The following RPSA2 variants were observed in gnomAD, a reference collection of about 807,000 sequenced individuals.
RPSA2 encodes the protein small ribosomal subunit protein uS2B.
At chr19:23,868,454 G>A in the RPSA2 span, among the ~76,000 whole-genome samples, 3 of 152,024 alleles carry the variant, frequency 2.0e-5, no homozygotes, top group Admixed American at 6.5e-5. Context: ...CCATAAAACA[G>A]GAATTCCTTA....
At chr19:23,766,282 A>G in the RPSA2 span, among the ~76,000 whole-genome samples, 1 of 150,444 alleles carries the variant, frequency 6.6e-6, no homozygotes, top group Non-Finnish European at 1.5e-5. Flanking sequence ...CCTCCCGAGT[A>G]GCTGGGATTA....
At chr19:23,835,656 A>G in the RPSA2 span, among the ~76,000 whole-genome samples, 1 of 151,144 alleles carries the variant, frequency 6.6e-6, no homozygotes, top group Non-Finnish European at 1.5e-5. Flanking sequence ...TTTTCTTTTG[A>G]GATAGAGTCT....
At chr19:23,827,670 CAGTG>C in the RPSA2 span, 2 of 1,596,416 alleles carry the variant, frequency 1.3e-6, no homozygotes, top group African/African-American at 1.3e-5. Flanking sequence ...GGAGCTCACT[CAGTG>C]GGTTTGATGT....
chr19:23,867,816 C>T, the RPSA2 span, among the ~76,000 whole-genome samples: 6 of 129,090 alleles, frequency 4.6e-5, no homozygotes, highest in Admixed American at 9.0e-5. Context: ...GGCGACAGAG[C>T]GAGACTCCGT....
At chr19:23,791,865 G>A in the RPSA2 span, among the ~76,000 whole-genome samples, 1 of 151,736 alleles carries the variant, frequency 6.6e-6, no homozygotes, top group Non-Finnish European at 1.5e-5. Flanking sequence ...TCAGTCTCCT[G>A]AGTAGCTGAG....
the RPSA2 span, among the ~76,000 whole-genome samples, chr19:23,870,045 G>A: frequency 3.2e-4 from 48 of 152,234 alleles, no homozygotes; most frequent in African/African-American, 1.1e-3. Flanking sequence ...ACATTCCTGG[G>A]CTATGGATTC....
At chr19:23,837,516 A>T in the RPSA2 span, among the ~76,000 whole-genome samples, 1 of 151,934 alleles carries the variant, frequency 6.6e-6, no homozygotes. Context: ...TGGTATTTTG[A>T]TGGGGATTGT....
chr19:23,758,761 C>T, the RPSA2 span: 3 of 1,614,188 alleles, frequency 1.9e-6, no homozygotes, highest in Non-Finnish European at 8.5e-7. Flanking sequence ...TCTAGGTTTC[C>T]GGGGGACCTG....
chr19:23,869,199 G>A, the RPSA2 span, among the ~76,000 whole-genome samples: 8 of 152,050 alleles, frequency 5.3e-5, no homozygotes, highest in East Asian at 3.9e-4. Context: ...TGGCTCCCCC[G>A]GACATAGAAC....
chr19:23,769,528 G>T, the RPSA2 span, among the ~76,000 whole-genome samples: 1 of 152,196 alleles, frequency 6.6e-6, no homozygotes, highest in Non-Finnish European at 1.5e-5. Flanking sequence ...ATTTTTAGTA[G>T]AGATGAGGTT....
the RPSA2 span, among the ~76,000 whole-genome samples, chr19:23,821,862 G>A: frequency 2.0e-5 from 3 of 152,182 alleles, no homozygotes; most frequent in East Asian, 3.9e-4. Flanking sequence ...GAGGGCTGCC[G>A]CTAACAGGTT....
At chr19:23,829,722 A>G in the RPSA2 span, among the ~76,000 whole-genome samples, 3 of 152,186 alleles carry the variant, frequency 2.0e-5, no homozygotes, top group Non-Finnish European at 4.4e-5. Flanking sequence ...ATTCTTCTTT[A>G]TTACATCTTC....
chr19:23,847,746 G>C, the RPSA2 span, among the ~76,000 whole-genome samples: 6 of 152,124 alleles, frequency 3.9e-5, no homozygotes, highest in Admixed American at 3.9e-4. Context: ...AGACCAGGGC[G>C]TATCTCAGTA....
chr19:23,834,037 T>C, the RPSA2 span, among the ~76,000 whole-genome samples: 1 of 152,176 alleles, frequency 6.6e-6, no homozygotes, highest in East Asian at 1.9e-4. Flanking sequence ...GCAGTAAAGA[T>C]GAAAGATATT....
At chr19:23,761,400 T>G in the RPSA2 span, among the ~76,000 whole-genome samples, 1 of 152,224 alleles carries the variant, frequency 6.6e-6, no homozygotes, top group Non-Finnish European at 1.5e-5. Flanking sequence ...TTTAAAGAAC[T>G]GTTACAACCA....
chr19:23,858,631 C>A, the RPSA2 span, among the ~76,000 whole-genome samples: 1 of 152,156 alleles, frequency 6.6e-6, no homozygotes, highest in Non-Finnish European at 1.5e-5. Context: ...GAGCTGCAAA[C>A]ATAGATAACC....
chr19:23,846,102 C>G, the RPSA2 span, among the ~76,000 whole-genome samples: 1 of 151,982 alleles, frequency 6.6e-6, no homozygotes, highest in East Asian at 1.9e-4. Flanking sequence ...AATAATATTT[C>G]TTTTTAAAGT....
the RPSA2 span, among the ~76,000 whole-genome samples, chr19:23,851,145 A>G: frequency 6.6e-6 from 1 of 152,202 alleles, no homozygotes; most frequent in African/African-American, 2.4e-5. Context: ...TGTCTACAGA[A>G]ACATGTACAT....
the RPSA2 span, among the ~76,000 whole-genome samples, chr19:23,770,698 G>A: frequency 6.6e-6 from 1 of 152,202 alleles, no homozygotes; most frequent in East Asian, 1.9e-4. Context: ...CTTGCCCACA[G>A]ATCATTGTAA....
Sources: gnomAD v4.1 joint callset for allele counts (sites outside exome capture counted in the v4.1 genomes callset) on GRCh38, gnomAD v4.1.1 for gene constraint, MANE v1.5 for transcripts, NCBI Gene and HGNC (gene_info 2026-07-23, HGNC 2026-07-21) for gene names.